FBXL17: variants seen among roughly 807,000 people sequenced by gnomAD.
FBXL17 encodes the protein F-box/LRR-repeat protein 17.
FBXL17 carries 22 observed loss-of-function variants against 66.2 expected under a neutral mutation model. That is an observed-to-expected ratio of 0.33 (90% CI 0.24 to 0.47). FBXL17 has a LOEUF of 0.47. Among genes scored for constraint, FBXL17 ranks in the 20% least tolerant of loss-of-function variants. The pLI, the probability that FBXL17 is intolerant of heterozygous loss-of-function variation, is 1.00. For missense variants in FBXL17, 878 were observed against 948.2 expected (o/e 0.93, Z 0.97); for synonymous variants, 474 against 400.5 (o/e 1.18, Z -2.19).
At chr5:108,265,871 G>A (rs1181067050) in intron 4 of FBXL17, among the ~76,000 whole-genome samples, 2 of 152,024 alleles carry the variant, frequency 1.3e-5, no homozygotes, top group Non-Finnish European at 2.9e-5. Flanking sequence ...AAGTAATGCC[G>A]GTATACTGCC....
chr5:108,122,081 T>A (rs1297423937), intron 6 of FBXL17, among the ~76,000 whole-genome samples: 4 of 152,160 alleles, frequency 2.6e-5, no homozygotes, highest in African/African-American at 9.7e-5. Flanking sequence ...CTCTAAGTTA[T>A]AAACCACATT....
chr5:107,991,023 C>T (rs1033390784), intron 7 of FBXL17, among the ~76,000 whole-genome samples: 1 of 152,148 alleles, frequency 6.6e-6, no homozygotes, highest in African/African-American at 2.4e-5. Flanking sequence ...GGGCTAGTTA[C>T]AGACATAAAC....
chr5:108,013,444 A>C (rs757649522), intron 7 of FBXL17, among the ~76,000 whole-genome samples: 26 of 152,210 alleles, frequency 1.7e-4, no homozygotes, highest in Admixed American at 6.5e-4. Flanking sequence ...TCTTGCTCTG[A>C]GCCTTTCCAA....
At chr5:108,223,373 G>A (rs1177357053) in intron 5 of FBXL17, among the ~76,000 whole-genome samples, 3 of 152,122 alleles carry the variant, frequency 2.0e-5, no homozygotes, top group African/African-American at 7.2e-5. Flanking sequence ...GAAGGAAAAG[G>A]TTGCTCAGCT....
intron 7 of FBXL17, among the ~76,000 whole-genome samples, chr5:107,943,708 T>C (rs2112593831): frequency 6.6e-6 from 1 of 152,262 alleles, no homozygotes; most frequent in South Asian, 2.1e-4. Flanking sequence ...ATCTGCCCAC[T>C]CCTTTATGTA....
At chr5:108,213,415 C>T in intron 5 of FBXL17, among the ~76,000 whole-genome samples, 1 of 152,194 alleles carries the variant, frequency 6.6e-6, no homozygotes, top group East Asian at 1.9e-4. Context: ...AAACCCAGAG[C>T]CCTGGTGGCA....
At chr5:108,004,773 T>C (rs1753861111) in intron 7 of FBXL17, among the ~76,000 whole-genome samples, 1 of 152,184 alleles carries the variant, frequency 6.6e-6, no homozygotes. Context: ...AGGATGCCAC[T>C]GAAACTTCTT....
intron 6 of FBXL17, among the ~76,000 whole-genome samples, chr5:108,153,816 A>C (rs1751861155): frequency 6.6e-6 from 1 of 152,180 alleles, no homozygotes; most frequent in African/African-American, 2.4e-5. Flanking sequence ...CAGATGATTA[A>C]TTATTGTGCA....
At chr5:107,896,323 A>C (rs1749380348) in intron 7 of FBXL17, among the ~76,000 whole-genome samples, 1 of 152,166 alleles carries the variant, frequency 6.6e-6, no homozygotes, top group Non-Finnish European at 1.5e-5. Context: ...AACAAAGGAG[A>C]TTAAAAAAAA....
intron 1 of FBXL17, among the ~76,000 whole-genome samples, chr5:108,373,937 A>G (rs1184673066): frequency 1.3e-5 from 2 of 152,214 alleles, no homozygotes; most frequent in Admixed American, 6.5e-5. Flanking sequence ...GACACAATGA[A>G]TAACAGGATA....
At chr5:108,378,294 T>C (rs73781344) in intron 1 of FBXL17, among the ~76,000 whole-genome samples, 2 of 151,780 alleles carry the variant, frequency 1.3e-5, no homozygotes, top group East Asian at 3.9e-4. Flanking sequence ...CATCCTCACA[T>C]TTCTCTCCCA....
rs187431855 is a variant in FBXL17, at chr5:108,105,387, A to C, written c.1745+80730T>G. 1.8e-3 allele frequency among the ~76,000 whole-genome samples: 281 copies of C among 152,332 alleles called. 1 individual carries two copies. Among genetic ancestry groups the C allele is most frequent in the African/African-American group, 6.5e-3 (272 of 41,580 alleles). On this transcript the variant is annotated intron_variant, in intron 6 of 8. Coordinates refer to ENST00000542267, the MANE Select transcript of FBXL17 (RefSeq NM_001163315.3). ...TCAATTTGGCTTCAAAAGGTGATTC[A>C]GGCAAAACTGCGGCAGAAAAGTCTG...
chr5:108,362,276 C>T (rs1003679226), intron 3 of FBXL17, among the ~76,000 whole-genome samples: 3 of 152,096 alleles, frequency 2.0e-5, no homozygotes, highest in African/African-American at 4.8e-5. Flanking sequence ...GACTTATTTA[C>T]AGAAATTTCT....
chr5:107,894,706 T>C (rs1179471688), intron 7 of FBXL17, among the ~76,000 whole-genome samples: 1 of 152,168 alleles, frequency 6.6e-6, no homozygotes, highest in African/African-American at 2.4e-5. Context: ...ATGTGTGAGA[T>C]TTATACATAA....
chr5:107,861,693 C>G lies in FBXL17; in HGVS notation c.*27G>C. On this transcript the variant is annotated 3_prime_UTR_variant, in exon 9 of 9. Transcript: ENST00000542267. ...ATTCTCCTCTGCTCTGCTGAATGAT[C>G]CCAGTGGACTAGGCGAGGCAGGAGC... 6.5e-7 allele frequency: 1 copy of G among 1,537,894 alleles called. No individual in the cohort carries two copies. Among genetic ancestry groups the G allele is most frequent in the Non-Finnish European group, 8.8e-7 (1 of 1,138,634 alleles).
chr5:108,252,348 T>C lies in FBXL17; in HGVS notation c.1507-28120A>G, dbSNP rs180848533. 3.9e-3 allele frequency among the ~76,000 whole-genome samples: 592 copies of C among 152,124 alleles called. 11 individuals carry two copies. The highest frequency in any genetic ancestry group is 8.5e-4 in the Non-Finnish European group (58 of 67,964). ...AGCAATTAAGCTGCAATGGAAAACATACCAATGCATGATTGAAGAAAAGTG... is the reference window on the plus strand; with the variant it reads ...AGCAATTAAGCTGCAATGGAAAACACACCAATGCATGATTGAAGAAAAGTG... On this transcript the variant is annotated intron_variant, in intron 4 of 8. Coordinates refer to ENST00000542267, the MANE Select transcript of FBXL17 (RefSeq NM_001163315.3).
At chr5:108,035,728 A>G (rs1746817119) in intron 6 of FBXL17, among the ~76,000 whole-genome samples, 2 of 152,122 alleles carry the variant, frequency 1.3e-5, no homozygotes, top group African/African-American at 4.8e-5. Context: ...CAGTACCACC[A>G]TATTTATTAT....
At chr5:107,966,479 T>C (rs1299525694) in intron 7 of FBXL17, among the ~76,000 whole-genome samples, 2 of 152,100 alleles carry the variant, frequency 1.3e-5, no homozygotes, top group Non-Finnish European at 2.9e-5. Flanking sequence ...GATCAGGAGA[T>C]CCAGTTGTAA....
At chr5:108,210,822 TA>T in intron 5 of FBXL17, among the ~76,000 whole-genome samples, 1 of 152,202 alleles carries the variant, frequency 6.6e-6, no homozygotes, top group Non-Finnish European at 1.5e-5. Flanking sequence ...AGATGTCCAT[TA>T]GGTCCTCTTG....
Sources: allele counts gnomAD v4.1 joint callset (sites outside exome capture counted in the v4.1 genomes callset), GRCh38; gene constraint gnomAD v4.1.1; transcripts MANE v1.5; gene names NCBI Gene and HGNC (gene_info 2026-07-23, HGNC 2026-07-21).